The following SLC1A6 variants were observed in gnomAD, a reference collection of about 807,000 sequenced individuals.
The protein encoded by SLC1A6 is excitatory amino acid transporter 4.
In SLC1A6, 15 loss-of-function variants were observed where a neutral mutation model predicts 42.1. The observed-to-expected ratio is 0.36, with a 90% CI of 0.24 to 0.55. The LOEUF (loss-of-function observed/expected upper bound fraction) is 0.55. SLC1A6 is among the 20% of genes least tolerant of loss of function. The pLI, the probability that SLC1A6 is intolerant of heterozygous loss-of-function variation, is 0.88. For missense variants in SLC1A6, 542 were observed against 772.5 expected (o/e 0.70, Z 3.54); for synonymous variants, 317 against 319.7 (o/e 0.99, Z 0.09).
chr19:15,006,770 A>AAAAAG (rs1555711512), intron 1 of SLC1A6, among the ~76,000 whole-genome samples: 16 of 149,216 alleles, frequency 1.1e-4, no homozygotes, highest in African/African-American at 2.5e-4. Context: ...CAAAAAAAAA[A>AAAAAG]AAAGAAAAAG....
At chr19:14,983,852 T>C (rs11670044), upstream of SLC1A6, among the ~76,000 whole-genome samples, 21,786 of 151,938 alleles carry the variant, frequency 0.14, 1,949 homozygotes, top group South Asian at 0.26. Context: ...TCAATGTTAA[T>C]GAATCAGCAA....
intron 7 of SLC1A6, among the ~76,000 whole-genome samples, chr19:14,955,241 G>GA (rs1229883655): frequency 5.3e-5 from 8 of 152,142 alleles, no homozygotes; most frequent in African/African-American, 1.7e-4. Context: ...CCTAGCCATA[G>GA]ACCAAGAGGC....
upstream of SLC1A6, among the ~76,000 whole-genome samples, chr19:14,983,226 C>T (rs148053025): frequency 6.6e-6 from 1 of 152,198 alleles, no homozygotes; most frequent in African/African-American, 2.4e-5. Context: ...TGTTTCAGCT[C>T]ATACAGTGAA....
upstream of SLC1A6, among the ~76,000 whole-genome samples, chr19:14,981,470 A>C (rs906610071): frequency 6.6e-6 from 1 of 152,040 alleles, no homozygotes; most frequent in Non-Finnish European, 1.5e-5. Context: ...CACATTGGCA[A>C]CCCCTCTCTG....
Position 14,988,432 on chromosome 19 carries a change from T to C in SLC1A6, c.7-15515A>G, listed in dbSNP as rs560616114. ...GGTGCTTCTGCTCTGTGAAACCTTATGTTCAGAAAACAAATAACCCAATTA... is the reference window on the plus strand; with the variant it reads ...GGTGCTTCTGCTCTGTGAAACCTTACGTTCAGAAAACAAATAACCCAATTA... On this transcript the variant is annotated intron_variant, in intron 1 of 8. Coordinates refer to the SLC1A6 transcript ENST00000430939. 2.6e-5 allele frequency among the ~76,000 whole-genome samples: 4 copies of C among 152,340 alleles called. No homozygotes were observed. The South Asian group carries it at 8.3e-4, about 32-fold the overall frequency.
At chr19:15,010,623 A>C, upstream of SLC1A6, 3 of 644,856 alleles carry the variant, frequency 4.7e-6, no homozygotes, top group East Asian at 8.3e-5. Flanking sequence ...ATGCCAGTGC[A>C]CTTAGGCCAA....
intron 1 of SLC1A6, among the ~76,000 whole-genome samples, chr19:15,010,154 C>A (rs538004089): frequency 6.8e-6 from 1 of 147,214 alleles, no homozygotes; most frequent in African/African-American, 2.5e-5. Flanking sequence ...CCACTGCACT[C>A]CAGCCCAGAC....
chr19:15,001,733 T>G (rs940190558), intron 1 of SLC1A6, among the ~76,000 whole-genome samples: 1 of 152,098 alleles, frequency 6.6e-6, no homozygotes, highest in Non-Finnish European at 1.5e-5. Context: ...CAATCAGGGC[T>G]CATTGCAGCC....
At chr19:14,991,394 G>A (rs1290126294) in intron 1 of SLC1A6, among the ~76,000 whole-genome samples, 1 of 152,176 alleles carries the variant, frequency 6.6e-6, no homozygotes, top group African/African-American at 2.4e-5. Context: ...GGAGGCCAAG[G>A]TGGATAGATC....
chr19:14,981,821 C>T (rs2045769566), upstream of SLC1A6, among the ~76,000 whole-genome samples: 1 of 152,192 alleles, frequency 6.6e-6, no homozygotes, highest in Admixed American at 6.5e-5. Context: ...AGAGAGGCAT[C>T]CGATAATCTA....
intron 4 of SLC1A6, among the ~76,000 whole-genome samples, chr19:14,964,579 A>C (rs1464428987): frequency 6.6e-6 from 1 of 152,202 alleles, no homozygotes; most frequent in Non-Finnish European, 1.5e-5. Context: ...ACATAGAAAG[A>C]AACCACAGCC....
intron 1 of SLC1A6, among the ~76,000 whole-genome samples, chr19:14,998,995 A>T (rs6511997): frequency 0.55 from 84,044 of 151,460 alleles, 23,486 homozygotes; most frequent in East Asian, 0.65. Context: ...CTCCTGCCTC[A>T]GCCTCCCGAG....
At chr19:15,008,172 C>T (rs1339439918) in intron 1 of SLC1A6, among the ~76,000 whole-genome samples, 1 of 152,016 alleles carries the variant, frequency 6.6e-6, no homozygotes, top group Admixed American at 6.6e-5. Flanking sequence ...TAGCAAGACT[C>T]TGTCTTTACA....
intron 7 of SLC1A6, among the ~76,000 whole-genome samples, chr19:14,955,895 A>G (rs2045458181): frequency 6.6e-6 from 1 of 152,008 alleles, no homozygotes; most frequent in South Asian, 2.1e-4. Flanking sequence ...GGATTACACC[A>G]CTGCACTCCA....
chr19:14,953,109 G>A lies in SLC1A6; in HGVS notation c.1365-47C>T, dbSNP rs367825315. 99 of 1,447,634 alleles carry A rather than the reference G, an allele frequency of 6.8e-5. No individual in the cohort carries two copies. The East Asian group carries it at 1.5e-3, about 22-fold the overall frequency. The allele number at this position is 1,447,634 out of a possible 1,614,324, so 89.7% of individuals were successfully genotyped here. A position where few individuals can be genotyped will look rare whatever the true frequency, so the allele number is the denominator to read the frequency against. On this transcript the variant is annotated intron_variant, in intron 8 of 9. Transcript: ENST00000594383. Reference sequence around the variant, plus strand: ...GGGGAGCAGATGGAGGGAAGAAGGCGATGAGGAAGAGAGAGGAAAAGGACA... The same window carrying A: ...GGGGAGCAGATGGAGGGAAGAAGGCAATGAGGAAGAGAGAGGAAAAGGACA...
chr19:14,964,173 A>G, intron 5 of SLC1A6, 146 bp downstream of exon 5: 1 of 679,606 alleles, frequency 1.5e-6, no homozygotes, highest in Non-Finnish European at 2.7e-6. Context: ...TGGAAAATAC[A>G]TCCTTTCTCC....
chr19:14,985,082 G>A (rs747464523), intron 1 of SLC1A6, among the ~76,000 whole-genome samples: 3 of 152,138 alleles, frequency 2.0e-5, no homozygotes, highest in African/African-American at 4.8e-5. Flanking sequence ...GGGTTTCACC[G>A]TGTTGGCCAG....
intron 4 of SLC1A6, among the ~76,000 whole-genome samples, chr19:14,965,862 A>G (rs2045568098): frequency 6.6e-6 from 1 of 151,908 alleles, no homozygotes; most frequent in Admixed American, 6.6e-5. Flanking sequence ...AAAAAAAAAA[A>G]AAAAGAAAGA....
intron 3 of SLC1A6, among the ~76,000 whole-genome samples, chr19:14,971,362 C>T (rs1461292380): frequency 2.6e-5 from 4 of 152,132 alleles, no homozygotes; most frequent in African/African-American, 4.8e-5. Flanking sequence ...CCATCTCACT[C>T]ACCTTCCACA....
Sources: gnomAD v4.1 joint callset for allele counts (sites outside exome capture counted in the v4.1 genomes callset) on GRCh38, gnomAD v4.1.1 for gene constraint, MANE v1.5 for transcripts, NCBI Gene and HGNC (gene_info 2026-07-23, HGNC 2026-07-21) for gene names.